NKAIN2: variants seen among roughly 807,000 people sequenced by gnomAD.
NKAIN2 encodes sodium/potassium transporting ATPase interacting 2, also known as sodium/potassium-transporting ATPase subunit beta-1-interacting protein 2.
NKAIN2 carries 14 observed loss-of-function variants against 32.6 expected under a neutral mutation model. That is an observed-to-expected ratio of 0.43 (90% CI 0.28 to 0.67). The LOEUF is 0.67. Ranked by LOEUF, NKAIN2 falls within the 30% of genes least tolerant of loss-of-function variation. NKAIN2 has a pLI of 0.17. For missense variants in NKAIN2, 198 were observed against 258.3 expected, an observed-to-expected ratio of 0.77 and a Z score of 1.60; for synonymous variants, 80 against 87.2, an observed-to-expected ratio of 0.92 and a Z score of 0.46.
chr6:124,559,753 T>C (rs1237285297), intron 3 of NKAIN2, among the ~76,000 whole-genome samples: 1 of 151,638 alleles, frequency 6.6e-6, no homozygotes, highest in African/African-American at 2.4e-5. Flanking sequence ...TCCTGGGTTC[T>C]GGTCTGAGGA....
At chr6:124,683,974 A>G (rs1773744661) in intron 4 of NKAIN2, among the ~76,000 whole-genome samples, 1 of 152,228 alleles carries the variant, frequency 6.6e-6, no homozygotes, top group Non-Finnish European at 1.5e-5. Context: ...ATAAGAAACC[A>G]TTAAGTTTCA....
At chr6:124,290,673 C>T (rs1795766118) in intron 2 of NKAIN2, among the ~76,000 whole-genome samples, 1 of 148,998 alleles carries the variant, frequency 6.7e-6, no homozygotes, top group African/African-American at 2.5e-5. Flanking sequence ...TTTCTTTCCC[C>T]TCTGAAGTTT....
intron 4 of NKAIN2, among the ~76,000 whole-genome samples, chr6:124,712,134 G>A (rs1385501911): frequency 2.0e-4 from 30 of 151,554 alleles, no homozygotes; most frequent in Admixed American, 3.3e-4. Flanking sequence ...CTGCTCGGGG[G>A]TCGGGCGTCA....
intron 3 of NKAIN2, among the ~76,000 whole-genome samples, chr6:124,460,117 C>G (rs1776476053): frequency 6.6e-6 from 1 of 151,630 alleles, no homozygotes; most frequent in Admixed American, 6.6e-5. Context: ...TACATTACTA[C>G]AAAATATTAT....
intron 2 of NKAIN2, among the ~76,000 whole-genome samples, chr6:124,325,865 A>G (rs1475078903): frequency 6.6e-6 from 1 of 152,146 alleles, no homozygotes; most frequent in African/African-American, 2.4e-5. Flanking sequence ...TTATACTTCA[A>G]TGTAAAAAGC....
At chr6:124,734,114 C>T (rs1776823445) in intron 4 of NKAIN2, among the ~76,000 whole-genome samples, 1 of 148,188 alleles carries the variant, frequency 6.7e-6, no homozygotes, top group Non-Finnish European at 1.5e-5. Flanking sequence ...TATGTCAAAA[C>T]AAAAACAAAC....
intron 3 of NKAIN2, among the ~76,000 whole-genome samples, chr6:124,423,872 C>T (rs543910908): frequency 2.0e-5 from 3 of 152,216 alleles, no homozygotes; most frequent in Non-Finnish European, 4.4e-5. Flanking sequence ...GCCTTTAAAA[C>T]TGTGACAAAT....
intron 1 of NKAIN2, among the ~76,000 whole-genome samples, chr6:124,168,552 T>TTGTGTGTG (rs58658301): frequency 6.7e-6 from 1 of 149,756 alleles, no homozygotes; most frequent in African/African-American, 2.4e-5. Context: ...CCTGTTAATT[T>TTGTGTGTG]TGTGTGTGTG....
At chr6:124,443,027 T>C (rs1396966600) in intron 3 of NKAIN2, among the ~76,000 whole-genome samples, 1 of 152,110 alleles carries the variant, frequency 6.6e-6, no homozygotes, top group Non-Finnish European at 1.5e-5. Flanking sequence ...CTTGCTATGC[T>C]CAGAAGATTG....
At chr6:124,358,584 G>A (rs1325268140) in intron 3 of NKAIN2, among the ~76,000 whole-genome samples, 1 of 152,182 alleles carries the variant, frequency 6.6e-6, no homozygotes, top group Non-Finnish European at 1.5e-5. Flanking sequence ...CTTTTGAGAA[G>A]TGTCTGTTTA....
At chr6:124,365,319 A>G (rs953578728) in intron 3 of NKAIN2, among the ~76,000 whole-genome samples, 1 of 151,954 alleles carries the variant, frequency 6.6e-6, no homozygotes, top group Non-Finnish European at 1.5e-5. Flanking sequence ...GATTTAAATT[A>G]TAAGTTAAGA....
At chr6:124,380,202 G>A (rs1296091937) in intron 3 of NKAIN2, among the ~76,000 whole-genome samples, 1 of 152,108 alleles carries the variant, frequency 6.6e-6, no homozygotes, top group Non-Finnish European at 1.5e-5. Context: ...TCATCTGTGA[G>A]GGCTGCTTTC....
At chr6:124,006,818 A>G (rs1275828410) in intron 1 of NKAIN2, among the ~76,000 whole-genome samples, 1 of 152,194 alleles carries the variant, frequency 6.6e-6, no homozygotes, top group Admixed American at 6.5e-5. Flanking sequence ...TCCCTGAAAG[A>G]AGAAAGGTCT....
chr6:124,791,515 A>G (rs1779745417), intron 5 of NKAIN2, 116 bp downstream of exon 5: 1 of 600,656 alleles, frequency 1.7e-6, no homozygotes, highest in African/African-American at 1.8e-5. Context: ...TAGAATGGAA[A>G]ATAAGCCTTT....
intron 1 of NKAIN2, among the ~76,000 whole-genome samples, chr6:124,075,871 C>T (rs1184047191): frequency 6.6e-6 from 1 of 152,212 alleles, no homozygotes; most frequent in African/African-American, 2.4e-5. Flanking sequence ...GCTGTGATTA[C>T]AGGCATGAGC....
intron 3 of NKAIN2, among the ~76,000 whole-genome samples, chr6:124,359,318 G>T (rs1221388683): frequency 2.0e-5 from 3 of 152,244 alleles, no homozygotes; most frequent in Non-Finnish European, 4.4e-5. Context: ...GAAAGTCATT[G>T]GTAGCTTGAT....
chr6:124,630,638 T>C (rs533977141), intron 3 of NKAIN2, among the ~76,000 whole-genome samples: 100 of 152,300 alleles, frequency 6.6e-4, no homozygotes, highest in African/African-American at 2.3e-3. Context: ...GTGATTGCTA[T>C]GAATTACAGG....
At chr6:124,738,180 T>C (rs957182077) in intron 4 of NKAIN2, among the ~76,000 whole-genome samples, 5 of 151,912 alleles carry the variant, frequency 3.3e-5, no homozygotes, top group Non-Finnish European at 7.4e-5. Flanking sequence ...AACAATAATA[T>C]TACCTACATT....
chr6:124,348,909 C>A (rs921693032), intron 2 of NKAIN2, among the ~76,000 whole-genome samples: 2 of 152,132 alleles, frequency 1.3e-5, no homozygotes, highest in African/African-American at 4.8e-5. Context: ...CTGTGCTTTT[C>A]CGACGGGCTT....
Sources: gnomAD v4.1 joint callset for allele counts (sites outside exome capture counted in the v4.1 genomes callset) on GRCh38, gnomAD v4.1.1 for gene constraint, MANE v1.5 for transcripts, NCBI Gene and HGNC (gene_info 2026-07-23, HGNC 2026-07-21) for gene names.